TRPM7: variants seen among roughly 807,000 people sequenced by gnomAD.
TRPM7 encodes LTRPC ion channel family member 7.
Under a neutral mutation model 229.7 loss-of-function variants are expected in TRPM7, and 134 were observed. That is an observed-to-expected ratio of 0.58 (90% CI 0.51 to 0.67). The LOEUF is 0.67. TRPM7 is among the 30% of genes least tolerant of loss of function. The probability of loss-of-function intolerance (pLI) is 0.00; values close to 1 mark genes in which losing one functional copy is unlikely to be tolerated. For synonymous variants in TRPM7, 699 were observed against 715.2 expected (o/e 0.98, Z 0.36); for missense variants, 1,901 against 2,210.0 (o/e 0.86, Z 2.80).
chr15:50,655,238 A>AT (rs1448796904), intron 3 of TRPM7, among the ~76,000 whole-genome samples: 33 of 151,574 alleles, frequency 2.2e-4, no homozygotes, highest in Middle Eastern at 3.4e-3. Flanking sequence ...GTTCAAGACC[A>AT]CCCTGACCAT....
rs1156532087 is a variant in TRPM7 at position 50,685,530 on chromosome 15, T to G, written c.3+1001A>C. The stretch of plus-strand genomic sequence containing the variant: ...TTATTTATTCAAAGTATTACTACAT[T>G]TGTGTTATAAGTAAAACTCTTATTT... On this transcript the variant is annotated intron_variant, in intron 1 of 38. Coordinates refer to ENST00000646667, the MANE Select transcript of TRPM7 (RefSeq NM_017672.6). 2.0e-5 allele frequency among the ~76,000 whole-genome samples: 3 copies of G among 152,220 alleles called. No homozygotes were observed. In the East Asian group the frequency reaches 5.8e-4, roughly 29 times the overall value.
chr15:50,566,474 G>A (rs1477782182), intron 38 of TRPM7, among the ~76,000 whole-genome samples: 4 of 152,100 alleles, frequency 2.6e-5, no homozygotes, highest in African/African-American at 4.8e-5. Flanking sequence ...GAGTCGGGTA[G>A]ATCACGAGGT....
chr15:50,573,717 A>C (rs1195834622), intron 36 of TRPM7, among the ~76,000 whole-genome samples: 1 of 152,150 alleles, frequency 6.6e-6, no homozygotes. Context: ...AGAATAGGGA[A>C]TTTTTACATG....
chr15:50,663,891 A>C (rs771621900), intron 1 of TRPM7, among the ~76,000 whole-genome samples: 1 of 152,170 alleles, frequency 6.6e-6, no homozygotes, highest in Non-Finnish European at 1.5e-5. Flanking sequence ...TAAGCCGAGG[A>C]GGCTGAGGAT....
intron 12 of TRPM7, among the ~76,000 whole-genome samples, chr15:50,622,504 T>C (rs1262662768): frequency 6.6e-6 from 1 of 152,242 alleles, no homozygotes; most frequent in Admixed American, 6.5e-5. Flanking sequence ...TACAGCACAA[T>C]GAATAATCCT....
chr15:50,564,788 T>G (rs1177992088), intron 38 of TRPM7, among the ~76,000 whole-genome samples: 2 of 152,128 alleles, frequency 1.3e-5, no homozygotes, highest in African/African-American at 4.8e-5. Context: ...TTTGCAACTA[T>G]ATTAATTATT....
intron 13 of TRPM7, among the ~76,000 whole-genome samples, chr15:50,615,902 A>T (rs771979136): frequency 3.3e-5 from 5 of 152,036 alleles, no homozygotes; most frequent in South Asian, 2.1e-4. Flanking sequence ...GTCTCAAAAA[A>T]ATATATATAT....
At chr15:50,650,020 C>T (rs551626041) in intron 3 of TRPM7, among the ~76,000 whole-genome samples, 17 of 151,458 alleles carry the variant, frequency 1.1e-4, no homozygotes, top group Middle Eastern at 3.4e-3. Context: ...CATGGTGAAC[C>T]GTCTCTACTA....
chr15:50,636,230 G>C (rs1309300670), intron 7 of TRPM7, among the ~76,000 whole-genome samples: 1 of 148,460 alleles, frequency 6.7e-6, no homozygotes, highest in Non-Finnish European at 1.5e-5. Context: ...CTGTCAACCA[G>C]GCTGAAATGC....
At chr15:50,619,213 GCTTT>G (rs1376943138) in intron 13 of TRPM7, among the ~76,000 whole-genome samples, 1 of 149,970 alleles carries the variant, frequency 6.7e-6, no homozygotes, top group African/African-American at 2.5e-5. Context: ...AAGCTCAACA[GCTTT>G]TTTTTCTTTT....
At chr15:50,643,598 A>G (rs1370154181) in intron 4 of TRPM7, 45 bp from the exon 5 acceptor site, 6 of 1,532,646 alleles carry the variant, frequency 3.9e-6, no homozygotes, top group Non-Finnish European at 5.4e-6. Flanking sequence ...ACATGTTCAC[A>G]GGTTTCATAA....
At position 50,609,705 on chromosome 15, in the gene TRPM7, C is replaced by T. The variant is rs374543188; in HGVS notation, c.2456G>A (p.Arg819Gln). The change falls in exon 19 of 39, where the codon CGG becomes CAG. Residue 819 changes from arginine (R) to glutamine (Q), a missense_variant. By Grantham distance (43) the Arg-to-Gln change is conservative (BLOSUM62 1). Transcript: ENST00000646667. Reference sequence around the variant, plus strand: ...CTTTCCTTCATTACTATCCAAAATCCGTACTTCTTTAAACACTTCCTAAAA... The same window carrying T: ...CTTTCCTTCATTACTATCCAAAATCTGTACTTCTTTAAACACTTCCTAAAA... ...EIPMEVFKEVRILDSNEGKNE... is the reference protein window; with the variant it reads ...EIPMEVFKEVQILDSNEGKNE... The T allele has an allele frequency of 1.9e-5, 30 of 1,595,682 alleles. No individual in the cohort carries two copies. Among genetic ancestry groups the T allele is most frequent in the Admixed American group, 8.8e-5 (5 of 56,542 alleles).
In TRPM7 at chr15:50,575,117, T is replaced by A. The variant is rs2054069490; in HGVS notation, c.4754A>T (p.Tyr1585Phe). 1.2e-6 allele frequency: 2 copies of A among 1,608,018 alleles called. No homozygotes were observed. Among genetic ancestry groups the A allele is most frequent in the Middle Eastern group, 1.7e-4 (1 of 6,030 alleles). ...VPPRGEPVTV[Y>F]RLEESSPNIL... ...GTTGGGTGAACTCTCTTCCAAACGA[T>A]ACACTGTGACAGGCTCCCCTGCAAC... Residue 1585 changes from tyrosine (Y) to phenylalanine (F), a missense_variant, in exon 34 of 39, where the codon TAT (tyrosine) becomes TTT (phenylalanine). Physicochemically the swap from Tyr to Phe is conservative, Grantham distance 22 (BLOSUM62 3). This residue lies in a region of TRPM7 where 257 missense variants were observed against 352.0 expected (regional missense o/e 0.73). Coordinates refer to ENST00000646667, the MANE Select transcript of TRPM7 (RefSeq NM_017672.6).
chr15:50,605,839 A>C (rs1463387147), intron 20 of TRPM7, among the ~76,000 whole-genome samples: 1 of 152,230 alleles, frequency 6.6e-6, no homozygotes, highest in Non-Finnish European at 1.5e-5. Flanking sequence ...TGCTGATAAA[A>C]CAACAGATTT....
At chr15:50,575,265 A>G (rs953563492) in intron 33 of TRPM7, 130 bp from the exon 34 acceptor site, 21 of 679,020 alleles carry the variant, frequency 3.1e-5, no homozygotes, top group Non-Finnish European at 4.4e-5. Context: ...AGTTTTATAC[A>G]AAGAAATTTA....
At chr15:50,604,594 GC>G (rs2059873088) in intron 21 of TRPM7, 1 of 192,524 alleles carries the variant, frequency 5.2e-6, no homozygotes, top group Non-Finnish European at 1.0e-5. Flanking sequence ...AAAAAAAAAA[GC>G]CTGGATCAGT....
At position 50,592,124 on chromosome 15, in the gene TRPM7, C is replaced by A; in HGVS notation, c.4111G>T (p.Gly1371Trp). 1 of 1,613,254 alleles carries A rather than the reference C, an allele frequency of 6.2e-7. No individual in the cohort carries two copies. The highest frequency in any genetic ancestry group is 2.2e-5 in the East Asian group (1 of 44,852). The change falls in exon 26 of 39, where the codon GGG (glycine) becomes TGG (tryptophan). Residue 1371 changes from glycine (G) to tryptophan (W), a missense_variant. Coordinates refer to ENST00000646667, the MANE Select transcript of TRPM7 (RefSeq NM_017672.6). ...SPPELRQRLH[G>W]VELLKIFNKN... ...TTAAATATTTTTAAGAGTTCTACCC[C>A]ATGTAGTCTCTGTCGCAGTTCTGGA... is the stretch of plus-strand genomic sequence containing the variant.
chr15:50,657,871 T>C (rs774827318), intron 2 of TRPM7, 52 bp from the exon 3 acceptor site: 10 of 1,466,614 alleles, frequency 6.8e-6, no homozygotes, highest in African/African-American at 1.4e-5. Flanking sequence ...AACTTTCTGA[T>C]TTTAAAGTAT....
chr15:50,574,554 T>C (rs2054044697), intron 35 of TRPM7, 75 bp from the exon 36 acceptor site: 8 of 1,546,338 alleles, frequency 5.2e-6, no homozygotes, highest in Non-Finnish European at 7.1e-6. Context: ...AATGGATAAT[T>C]AAATATTCAA....
Sources: allele counts gnomAD v4.1 joint callset (sites outside exome capture counted in the v4.1 genomes callset), GRCh38; gene constraint gnomAD v4.1.1; regional missense constraint gnomAD v4.1.1; transcripts MANE v1.5; gene names NCBI Gene and HGNC (gene_info 2026-07-23, HGNC 2026-07-21).